The following MED12L variants were observed in gnomAD, a reference collection of about 807,000 sequenced individuals.
The protein encoded by MED12L is mediator of RNA polymerase II transcription subunit 12-like protein.
A neutral mutation model predicts 281.3 loss-of-function variants in MED12L; 60 were observed. The ratio of observed to expected loss-of-function variants is 0.21; its 90% CI spans 0.17 to 0.26. The LOEUF (loss-of-function observed/expected upper bound fraction) is 0.26. Ranked by LOEUF, MED12L falls within the 10% of genes least tolerant of loss-of-function variation. MED12L has a pLI of 1.00. For synonymous variants in MED12L, 974 were observed against 987.2 expected (o/e 0.99, Z 0.25); for missense variants, 2,146 against 2,680.9 (o/e 0.80, Z 4.41).
chr3:151,230,014 G>A (rs780897615), intron 16 of MED12L, among the ~76,000 whole-genome samples: 3 of 152,008 alleles, frequency 2.0e-5, no homozygotes, highest in Non-Finnish European at 4.4e-5. Context: ...CTGTTGCCCA[G>A]GCTGGAGTGC....
intron 16 of MED12L, among the ~76,000 whole-genome samples, chr3:151,287,242 T>C (rs1743639381): frequency 6.6e-6 from 1 of 152,150 alleles, no homozygotes; most frequent in Non-Finnish European, 1.5e-5. Flanking sequence ...TGGCAGTTGG[T>C]TTATTTTTCC....
At chr3:151,259,780 AAG>A (rs973249123) in intron 16 of MED12L, among the ~76,000 whole-genome samples, 1 of 152,154 alleles carries the variant, frequency 6.6e-6, no homozygotes, top group Admixed American at 6.5e-5. Flanking sequence ...TTCCAAACAA[AAG>A]TTTAGAGTCC....
chr3:151,166,401 G>A (rs115665484), intron 11 of MED12L, among the ~76,000 whole-genome samples: 2,809 of 152,112 alleles, frequency 0.018, 92 homozygotes, highest in African/African-American at 0.065. Flanking sequence ...ATGTGTTAGG[G>A]TTCTACAGAG....
At chr3:151,338,323 A>G in intron 16 of MED12L, 1 of 1,614,138 alleles carries the variant, frequency 6.2e-7, no homozygotes, top group Non-Finnish European at 8.5e-7. Context: ...AGGAAAGAGC[A>G]TTTCTTCACA....
At chr3:151,141,007 A>G (rs997053799) in intron 5 of MED12L, among the ~76,000 whole-genome samples, 4 of 151,906 alleles carry the variant, frequency 2.6e-5, no homozygotes, top group Non-Finnish European at 4.4e-5. Flanking sequence ...AGCTGGGACT[A>G]CAGGCACCCG....
At chr3:151,344,305 TA>T (rs60921069) in intron 16 of MED12L, among the ~76,000 whole-genome samples, 1 of 150,842 alleles carries the variant, frequency 6.6e-6, no homozygotes, top group Non-Finnish European at 1.5e-5. Flanking sequence ...TACTAATGAT[TA>T]AAAAAAAACC....
At position 151,214,225 on chromosome 3, in the gene MED12L, A is replaced by G. The variant is rs1727737624; in HGVS notation, c.2250+20559A>G. 7 of 1,613,936 alleles carry G rather than the reference A, an allele frequency of 4.3e-6. 1 individual carries two copies. The East Asian group carries it at 1.6e-4, about 36-fold the overall frequency. On this transcript the variant is annotated intron_variant, in intron 16 of 44. Transcript: ENST00000687756. ...GAGTAGGATTCCTGCAATGAAGACC[A>G]TACAGTACAGCACAGGAATGATCTG... is the stretch of plus-strand genomic sequence containing the variant.
chr3:151,348,676 G>A (rs1752866979), intron 16 of MED12L, among the ~76,000 whole-genome samples: 1 of 151,696 alleles, frequency 6.6e-6, no homozygotes, highest in South Asian at 2.1e-4. Flanking sequence ...TTTATTTCTT[G>A]TAATGTATAA....
chr3:151,260,211 A>G (rs1738599952), intron 16 of MED12L, among the ~76,000 whole-genome samples: 1 of 152,198 alleles, frequency 6.6e-6, no homozygotes, highest in Non-Finnish European at 1.5e-5. Flanking sequence ...AAGAGCCGCA[A>G]CGTCACCTTA....
intron 16 of MED12L, among the ~76,000 whole-genome samples, chr3:151,323,639 A>T (rs1174195540): frequency 1.3e-5 from 2 of 151,824 alleles, no homozygotes; most frequent in African/African-American, 4.8e-5. Context: ...ACCCTTCTTC[A>T]TTTTCTCCAT....
In MED12L at chr3:151,328,717, A is replaced by T. The variant is rs1238157491; in HGVS notation, c.2251-21342A>T. ...TCACCGAAGAAAAACGACACACAAA[A>T]GCTCTGAGCTGCCAGGGTGCCAGGT... On this transcript the variant is annotated intron_variant, in intron 16 of 44. Coordinates refer to ENST00000687756, the MANE Select transcript of MED12L (RefSeq NM_001393769.1). The T allele has an allele frequency of 3.7e-6, 6 of 1,613,926 alleles. No individual in the cohort carries two copies. In the African/African-American group the frequency reaches 6.7e-5, roughly 18 times the overall value.
chr3:151,221,783 A>G (rs9838709), intron 16 of MED12L, among the ~76,000 whole-genome samples: 68,008 of 151,784 alleles, frequency 0.45, 16,769 homozygotes, highest in African/African-American at 0.68. Context: ...CTAGGGCAGT[A>G]TAGAAGGGAA....
At chr3:151,333,864 G>A (rs1342976252) in intron 16 of MED12L, among the ~76,000 whole-genome samples, 1 of 151,862 alleles carries the variant, frequency 6.6e-6, no homozygotes, top group African/African-American at 2.4e-5. Context: ...TGGATCATGA[G>A]GTCAGGAGTT....
chr3:151,238,753 T>C (rs957006858), intron 16 of MED12L, among the ~76,000 whole-genome samples: 4 of 152,176 alleles, frequency 2.6e-5, no homozygotes, highest in African/African-American at 9.6e-5. Flanking sequence ...TTTTATTAAA[T>C]CTCAACCATA....
intron 16 of MED12L, among the ~76,000 whole-genome samples, chr3:151,253,143 A>G (rs1331155943): frequency 1.3e-5 from 2 of 152,174 alleles, no homozygotes; most frequent in Non-Finnish European, 1.5e-5. Context: ...GGACTTCTGG[A>G]GATCTGGGGT....
chr3:151,357,133 A>G, intron 19 of MED12L, 80 bp from the exon 20 acceptor site: 1 of 1,227,952 alleles, frequency 8.1e-7, no homozygotes, highest in Non-Finnish European at 1.1e-6. Context: ...GACTCAGTAT[A>G]TCTATGGTTT....
In MED12L at chr3:151,372,686, T is replaced by C; in HGVS notation, c.3784T>C (p.Ser1262Pro). 1 of 1,613,972 alleles carries C rather than the reference T, an allele frequency of 6.2e-7. No homozygotes were observed. Among genetic ancestry groups the C allele is most frequent in the Non-Finnish European group, 8.5e-7 (1 of 1,179,888 alleles). The change falls in exon 27 of 45, where the codon TCC becomes CCC. Residue 1262 changes from serine (S) to proline (P), a missense_variant. Physicochemically the swap from Ser to Pro is moderately conservative, Grantham distance 74. Around this residue, in one of 9 missense-constraint regions of MED12L, gnomAD observed 235 missense variants for 260.3 expected, o/e 0.90. Coordinates refer to ENST00000687756, the MANE Select transcript of MED12L (RefSeq NM_001393769.1). Reference protein sequence around the residue: ...DIWTASQNPKSCGKSISIETA... With the variant: ...DIWTASQNPKPCGKSISIETA... The stretch of plus-strand genomic sequence containing the variant: ...CTGGACTGCCTCACAAAATCCAAAA[T>C]CCTGTGGGAAAAGCATTTCCATAGA...
chr3:151,086,610 G>C lies in MED12L; in HGVS notation c.-129-188G>C, dbSNP rs184630484. The C allele has an allele frequency of 1.2e-3, 295 of 245,034 alleles. 4 individuals carry two copies. Among genetic ancestry groups the C allele is most frequent in the East Asian group, 9.5e-3 (109 of 11,418 alleles). The allele number at this position is 245,034 out of a possible 1,614,324, so 15.2% of individuals were successfully genotyped here. On this transcript the variant is annotated intron_variant, in intron 1 of 44. Coordinates refer to ENST00000687756, the MANE Select transcript of MED12L (RefSeq NM_001393769.1). ...GCTCCTCCCCCTGGAGACAAGGTAG[G>C]GGGGAGCAGAGGAGGCAGGCGCCGC...
In MED12L at chr3:151,322,762, C is replaced by A. The variant is rs144980231; in HGVS notation, c.2251-27297C>A. ...TCCTTTTCTACTAACACTACCCACT[C>A]CTCCCAGTTCCAAGGCATCATCCCC... On this transcript the variant is annotated intron_variant, in intron 16 of 44. Coordinates refer to ENST00000687756, the MANE Select transcript of MED12L (RefSeq NM_001393769.1). Among the ~76,000 whole-genome samples the A allele has an allele frequency of 6.2e-3, 950 of 152,272 alleles. 6 individuals are homozygous for A. Among genetic ancestry groups the A allele is most frequent in the Non-Finnish European group, 0.011 (741 of 68,014 alleles).
Sources: allele counts gnomAD v4.1 joint callset (sites outside exome capture counted in the v4.1 genomes callset), GRCh38; gene constraint gnomAD v4.1.1; regional missense constraint gnomAD v4.1.1; transcripts MANE v1.5; gene names NCBI Gene and HGNC (gene_info 2026-07-23, HGNC 2026-07-21).